AGBL4: variants seen among roughly 807,000 people sequenced by gnomAD.
AGBL4 encodes AGBL carboxypeptidase 4.
Under a neutral mutation model 66.4 loss-of-function variants are expected in AGBL4, and 58 were observed. The ratio of observed to expected loss-of-function variants is 0.87; its 90% CI spans 0.71 to 1.09. The LOEUF is 1.09. Ranked by LOEUF, AGBL4 falls within the 50% of genes least tolerant of loss-of-function variation. The probability of loss-of-function intolerance (pLI) is 0.00; values close to 1 mark genes in which losing one functional copy is unlikely to be tolerated. For synonymous variants in AGBL4, 234 were observed against 222.9 expected (o/e 1.05, Z -0.44); for missense variants, 579 against 631.0 (o/e 0.92, Z 0.88).
At chr1:49,595,695 C>A (rs542042996) in intron 3 of AGBL4, among the ~76,000 whole-genome samples, 170 of 152,036 alleles carry the variant, frequency 1.1e-3, no homozygotes, top group Admixed American at 2.4e-3. Context: ...GCAATTATTT[C>A]ATAGCATAAG....
At chr1:49,431,928 C>A (rs558909012) in intron 3 of AGBL4, among the ~76,000 whole-genome samples, 3 of 152,168 alleles carry the variant, frequency 2.0e-5, no homozygotes, top group African/African-American at 7.2e-5. Flanking sequence ...AATATTAAGA[C>A]CTAAAAAACA....
At chr1:49,870,047 T>C (rs1440548231) in intron 1 of AGBL4, among the ~76,000 whole-genome samples, 1 of 152,202 alleles carries the variant, frequency 6.6e-6, no homozygotes, top group Non-Finnish European at 1.5e-5. Context: ...GTATATTGCA[T>C]ATGTGTATCA....
intron 11 of AGBL4, among the ~76,000 whole-genome samples, chr1:48,544,826 A>T (rs916717338): frequency 6.6e-6 from 1 of 152,176 alleles, no homozygotes; most frequent in African/African-American, 2.4e-5. Flanking sequence ...GTCTGACTGC[A>T]ACACACCACT....
intron 1 of AGBL4, among the ~76,000 whole-genome samples, chr1:49,871,130 A>G (rs1646829440): frequency 2.0e-5 from 3 of 152,130 alleles, no homozygotes; most frequent in South Asian, 4.1e-4. Flanking sequence ...AAACATTAAT[A>G]TCAAAGGCAT....
At chr1:49,926,226 G>T (rs1652754652) in intron 1 of AGBL4, among the ~76,000 whole-genome samples, 1 of 152,198 alleles carries the variant, frequency 6.6e-6, no homozygotes, top group African/African-American at 2.4e-5. Context: ...AAAAGAACAA[G>T]AGTCTCTGCC....
chr1:49,502,765 G>C (rs748857879), intron 3 of AGBL4, among the ~76,000 whole-genome samples: 1 of 152,080 alleles, frequency 6.6e-6, no homozygotes, highest in Non-Finnish European at 1.5e-5. Flanking sequence ...CCCTGCCCTA[G>C]AGAATCTGTG....
intron 5 of AGBL4, among the ~76,000 whole-genome samples, chr1:48,892,544 T>C (rs568227372): frequency 4.7e-4 from 71 of 152,220 alleles, no homozygotes; most frequent in African/African-American, 1.7e-3. Flanking sequence ...TGAACATTGG[T>C]TCCGTCTGAA....
intron 4 of AGBL4, among the ~76,000 whole-genome samples, chr1:49,186,541 C>A (rs1029261758): frequency 6.6e-6 from 1 of 150,950 alleles, no homozygotes; most frequent in Non-Finnish European, 1.5e-5. Flanking sequence ...TACATGGTAA[C>A]AACAATACCA....
At chr1:48,741,773 G>T (rs1649946856) in intron 6 of AGBL4, among the ~76,000 whole-genome samples, 1 of 152,194 alleles carries the variant, frequency 6.6e-6, no homozygotes, top group African/African-American at 2.4e-5. Context: ...ACCAACACAT[G>T]ACGCGTTAAG....
At chr1:49,782,915 T>C (rs1457014686) in intron 2 of AGBL4, among the ~76,000 whole-genome samples, 1 of 152,174 alleles carries the variant, frequency 6.6e-6, no homozygotes, top group Non-Finnish European at 1.5e-5. Flanking sequence ...TTCTGTTTAT[T>C]GCAAATTATT....
intron 8 of AGBL4, chr1:48,647,714 C>T: frequency 2.6e-6 from 1 of 386,584 alleles, no homozygotes; most frequent in Non-Finnish European, 5.1e-6. Context: ...TCAGAAAGCG[C>T]CGTGGGGTAT....
intron 6 of AGBL4, among the ~76,000 whole-genome samples, chr1:48,667,543 A>T (rs760561855): frequency 9.9e-5 from 15 of 152,214 alleles, no homozygotes; most frequent in Non-Finnish European, 1.9e-4. Context: ...AGCTGTTCCC[A>T]CATTCTTGAC....
intron 3 of AGBL4, among the ~76,000 whole-genome samples, chr1:49,318,235 A>G (rs1301938455): frequency 1.3e-5 from 2 of 151,990 alleles, no homozygotes; most frequent in Admixed American, 6.6e-5. Context: ...CCTGAACTTT[A>G]GTTTCCTAAA....
intron 4 of AGBL4, among the ~76,000 whole-genome samples, chr1:49,212,941 A>G (rs1335838626): frequency 6.6e-6 from 1 of 152,148 alleles, no homozygotes; most frequent in Non-Finnish European, 1.5e-5. Context: ...TAGCAAAAGC[A>G]TTTATTTTTA....
chr1:49,598,411 A>G (rs542577298), intron 3 of AGBL4, among the ~76,000 whole-genome samples: 3 of 152,078 alleles, frequency 2.0e-5, no homozygotes, highest in African/African-American at 7.2e-5. Context: ...TGTCCTTTCT[A>G]TTTGTTAGTT....
At chr1:48,675,611 A>C (rs1344462615) in intron 6 of AGBL4, among the ~76,000 whole-genome samples, 1 of 152,224 alleles carries the variant, frequency 6.6e-6, no homozygotes, top group African/African-American at 2.4e-5. Flanking sequence ...AGCTACACTT[A>C]ACACCAACTC....
chr1:49,428,143 G>A (rs1309203560), intron 3 of AGBL4, among the ~76,000 whole-genome samples: 1 of 152,166 alleles, frequency 6.6e-6, no homozygotes, highest in Non-Finnish European at 1.5e-5. Flanking sequence ...TCACCCCTCA[G>A]TGGCACATTG....
chr1:49,852,327 G>T (rs537202737), intron 1 of AGBL4, among the ~76,000 whole-genome samples: 57 of 152,212 alleles, frequency 3.7e-4, no homozygotes, highest in African/African-American at 1.3e-3. Flanking sequence ...ATACAAATGA[G>T]TAAGAAAGCT....
chr1:49,948,217 TA>T (rs1655612568), intron 1 of AGBL4, among the ~76,000 whole-genome samples: 4 of 103,474 alleles, frequency 3.9e-5, no homozygotes, highest in Non-Finnish European at 6.8e-5. Flanking sequence ...TATATAAATA[TA>T]TATAAATATA....
Sources: gnomAD v4.1 joint callset for allele counts (sites outside exome capture counted in the v4.1 genomes callset) on GRCh38, gnomAD v4.1.1 for gene constraint, MANE v1.5 for transcripts, NCBI Gene and HGNC (gene_info 2026-07-23, HGNC 2026-07-21) for gene names.